SLC24A3: variants seen among roughly 807,000 people sequenced by gnomAD.
SLC24A3 encodes sodium/potassium/calcium exchanger 3.
SLC24A3 carries 28 observed loss-of-function variants against 75.8 expected under a neutral mutation model. That is an observed-to-expected ratio of 0.37 (90% CI 0.27 to 0.51). The LOEUF (loss-of-function observed/expected upper bound fraction) is 0.51. Among genes scored for constraint, SLC24A3 ranks in the 20% least tolerant of loss-of-function variants. SLC24A3 has a pLI of 0.94. For synonymous variants in SLC24A3, 372 were observed against 334.1 expected (o/e 1.11, Z -1.24); for missense variants, 663 against 847.8 (o/e 0.78, Z 2.71).
In SLC24A3 at chr20:19,721,613, A is replaced by G. The variant is rs966283057; in HGVS notation, c.*473A>G. On this transcript the variant is annotated 3_prime_UTR_variant, in exon 17 of 17. Coordinates refer to ENST00000328041, the MANE Select transcript of SLC24A3 (RefSeq NM_020689.4). ...TTGGTTTGGAGATGATGCCTAGGTT[A>G]CTGGGTTTGGGGGGATTGTTTTCTT... is the stretch of plus-strand genomic sequence containing the variant. The G allele has an allele frequency of 6.4e-6, 1 of 155,526 alleles. No individual in the cohort carries two copies. Among genetic ancestry groups the G allele is most frequent in the African/African-American group, 2.4e-5 (1 of 41,534 alleles). 9.6% of individuals were successfully genotyped at this position (155,526 alleles called of 1,614,324 possible).
intron 2 of SLC24A3, among the ~76,000 whole-genome samples, chr20:19,434,992 T>G (rs1200749401): frequency 6.6e-6 from 1 of 152,230 alleles, no homozygotes; most frequent in African/African-American, 2.4e-5. Context: ...AAGGCTATCT[T>G]TCCTTAGTCT....
intron 2 of SLC24A3, among the ~76,000 whole-genome samples, chr20:19,427,701 G>A (rs900017461): frequency 6.6e-6 from 1 of 152,124 alleles, no homozygotes; most frequent in African/African-American, 2.4e-5. Flanking sequence ...GGCCTGTCCT[G>A]GGCTGACCCA....
intron 3 of SLC24A3, among the ~76,000 whole-genome samples, chr20:19,543,571 G>A (rs1178565110): frequency 6.6e-6 from 1 of 152,178 alleles, no homozygotes; most frequent in Non-Finnish European, 1.5e-5. Flanking sequence ...CCAACCTGCG[G>A]TGCTGCATGA....
intron 3 of SLC24A3, among the ~76,000 whole-genome samples, chr20:19,541,766 G>A (rs1436996620): frequency 1.3e-5 from 2 of 152,226 alleles, no homozygotes; most frequent in Non-Finnish European, 2.9e-5. Context: ...TTCCCAGTTG[G>A]CATTTTAGTT....
intron 2 of SLC24A3, among the ~76,000 whole-genome samples, chr20:19,471,061 G>C (rs966781062): frequency 6.6e-6 from 1 of 152,224 alleles, no homozygotes; most frequent in Non-Finnish European, 1.5e-5. Flanking sequence ...GGGTGTGTCA[G>C]GGGCTTGGAG....
chr20:19,436,569 G>A (rs1364680569), intron 2 of SLC24A3, among the ~76,000 whole-genome samples: 1 of 152,184 alleles, frequency 6.6e-6, no homozygotes, highest in Non-Finnish European at 1.5e-5. Flanking sequence ...AAGGAGCCCA[G>A]GAGGTCTTCT....
intron 6 of SLC24A3, among the ~76,000 whole-genome samples, chr20:19,614,960 G>T (rs1430987414): frequency 2.6e-5 from 4 of 152,152 alleles, no homozygotes; most frequent in African/African-American, 9.7e-5. Context: ...TCTTCTGTTT[G>T]CTCATCATCC....
chr20:19,692,009 G>A (rs577223872), intron 12 of SLC24A3, among the ~76,000 whole-genome samples: 3 of 152,218 alleles, frequency 2.0e-5, no homozygotes, highest in African/African-American at 7.2e-5. Context: ...AGGCCAGAGG[G>A]TGCCAGAAAT....
intron 4 of SLC24A3, among the ~76,000 whole-genome samples, chr20:19,582,971 C>T (rs1047862863): frequency 9.2e-5 from 14 of 151,996 alleles, no homozygotes; most frequent in East Asian, 1.9e-4. Flanking sequence ...ATTTGAGCAG[C>T]GGAGGATGTG....
Position 19,316,073 on chromosome 20 carries a change from A to G in SLC24A3, c.271+34986A>G, listed in dbSNP as rs537362327. On this transcript the variant is annotated intron_variant, in intron 2 of 16. Coordinates refer to ENST00000328041, the MANE Select transcript of SLC24A3 (RefSeq NM_020689.4). Reference sequence around the variant, plus strand: ...ATAGCATGGCTGGGGGCGGCAGCTCACCGCAGCTGCCCAGCATCACCAAAG... The same window carrying G: ...ATAGCATGGCTGGGGGCGGCAGCTCGCCGCAGCTGCCCAGCATCACCAAAG... Among the ~76,000 whole-genome samples the G allele has an allele frequency of 2.0e-5, 3 of 152,334 alleles. No homozygotes were observed. In the East Asian group the frequency reaches 5.8e-4, roughly 29 times the overall value.
intron 2 of SLC24A3, among the ~76,000 whole-genome samples, chr20:19,384,997 T>A (rs752533491): frequency 1.3e-5 from 2 of 152,220 alleles, no homozygotes; most frequent in African/African-American, 2.4e-5. Context: ...ATTTGTTTTC[T>A]TGCTGTGAAA....
chr20:19,324,280 A>C (rs1215086067), intron 2 of SLC24A3, among the ~76,000 whole-genome samples: 1 of 152,190 alleles, frequency 6.6e-6, no homozygotes, highest in African/African-American at 2.4e-5. Flanking sequence ...AGAAGGGAAA[A>C]TTAGCCAGAA....
rs1987196668 is a variant in SLC24A3, at chr20:19,436,085, T to C, written c.272-79403T>C. 2.6e-5 allele frequency among the ~76,000 whole-genome samples: 4 copies of C among 152,182 alleles called. No individual in the cohort carries two copies. The South Asian group carries it at 8.3e-4, about 32-fold the overall frequency. ...AATAATAGCTAACAGTTGTTGAGTA[T>C]TTACCATGTGTCAGATAGTTTCCAG... is the stretch of plus-strand genomic sequence containing the variant. On this transcript the variant is annotated intron_variant, in intron 2 of 16. Coordinates refer to ENST00000328041, the MANE Select transcript of SLC24A3 (RefSeq NM_020689.4).
chr20:19,475,447 G>A (rs1297442945), intron 2 of SLC24A3, among the ~76,000 whole-genome samples: 2 of 152,068 alleles, frequency 1.3e-5, no homozygotes, highest in Non-Finnish European at 2.9e-5. Context: ...AAAGATAACT[G>A]CTATTATTTG....
intron 16 of SLC24A3, among the ~76,000 whole-genome samples, chr20:19,719,600 A>G (rs2033080615): frequency 6.6e-6 from 1 of 152,034 alleles, no homozygotes; most frequent in South Asian, 2.1e-4. Flanking sequence ...CCGTCTGGGG[A>G]AGGGAGAGAC....
At chr20:19,313,028 C>CTTTTTTTTTTTT (rs747623530) in intron 2 of SLC24A3, among the ~76,000 whole-genome samples, 2 of 68,322 alleles carry the variant, frequency 2.9e-5, no homozygotes, top group Non-Finnish European at 5.3e-5. Context: ...TTTTCTCTTG[C>CTTTTTTTTTTTT]TTTTTTTTTT....
intron 2 of SLC24A3, among the ~76,000 whole-genome samples, chr20:19,415,114 A>C (rs996527549): frequency 2.0e-5 from 3 of 152,176 alleles, no homozygotes; most frequent in Non-Finnish European, 4.4e-5. Flanking sequence ...AGTAAAAAGC[A>C]TTGACCATAT....
At chr20:19,228,369 G>T (rs1981925484) in intron 1 of SLC24A3, among the ~76,000 whole-genome samples, 1 of 152,178 alleles carries the variant, frequency 6.6e-6, no homozygotes, top group African/African-American at 2.4e-5. Context: ...GCCGGGCGCG[G>T]TGGCTCACGC....
At chr20:19,346,984 G>A (rs1006963903) in intron 2 of SLC24A3, among the ~76,000 whole-genome samples, 2 of 152,154 alleles carry the variant, frequency 1.3e-5, no homozygotes, top group African/African-American at 4.8e-5. Context: ...TGCTTCAACA[G>A]ATACATAAAT....
Sources: allele counts gnomAD v4.1 joint callset (sites outside exome capture counted in the v4.1 genomes callset), GRCh38; gene constraint gnomAD v4.1.1; transcripts MANE v1.5; gene names NCBI Gene and HGNC (gene_info 2026-07-23, HGNC 2026-07-21).